CACNA2D1: variants seen among roughly 807,000 people sequenced by gnomAD.
CACNA2D1 encodes the protein calcium voltage-gated channel auxiliary subunit alpha2delta 1, also known as voltage-dependent calcium channel subunit alpha-2/delta-1.
A neutral mutation model predicts 171.5 loss-of-function variants in CACNA2D1; 53 were observed. The ratio of observed to expected loss-of-function variants is 0.31; its 90% CI spans 0.25 to 0.39. CACNA2D1 has a LOEUF of 0.39. CACNA2D1 is among the 10% of genes least tolerant of loss of function. CACNA2D1 has a pLI of 1.00. For missense variants in CACNA2D1, 903 were observed against 1,299.8 expected, an observed-to-expected ratio of 0.69 and a Z score of 4.69; for synonymous variants, 442 against 443.1, an observed-to-expected ratio of 1.00 and a Z score of 0.03.
At chr7:82,180,125 T>C (rs1207332143) in intron 3 of CACNA2D1, among the ~76,000 whole-genome samples, 1 of 152,136 alleles carries the variant, frequency 6.6e-6, no homozygotes, top group Admixed American at 6.5e-5. Flanking sequence ...AAAGAGAGAC[T>C]AGTTTTTCAA....
intron 11 of CACNA2D1, among the ~76,000 whole-genome samples, chr7:82,035,700 C>T (rs1803215559): frequency 6.6e-6 from 1 of 151,604 alleles, no homozygotes; most frequent in African/African-American, 2.4e-5. Context: ...AAACAGGAGG[C>T]AATGAAGTGA....
chr7:82,350,262 A>G (rs1819701544), intron 1 of CACNA2D1, among the ~76,000 whole-genome samples: 1 of 152,224 alleles, frequency 6.6e-6, no homozygotes, highest in South Asian at 2.1e-4. Context: ...TCTATATTCC[A>G]TAATATACTT....
chr7:82,354,322 TC>T (rs1820188406), intron 1 of CACNA2D1, among the ~76,000 whole-genome samples: 1 of 152,152 alleles, frequency 6.6e-6, no homozygotes, highest in African/African-American at 2.4e-5. Context: ...AGAAATCTTT[TC>T]TCCCCTACAA....
At chr7:82,415,274 C>T (rs1828054420) in intron 1 of CACNA2D1, among the ~76,000 whole-genome samples, 1 of 152,186 alleles carries the variant, frequency 6.6e-6, no homozygotes, top group African/African-American at 2.4e-5. Context: ...TGGCTCACAT[C>T]TGTAATCCCA....
intron 12 of CACNA2D1, among the ~76,000 whole-genome samples, chr7:82,022,935 A>C (rs917243515): frequency 2.6e-5 from 4 of 151,808 alleles, no homozygotes; most frequent in South Asian, 4.2e-4. Context: ...AATTTTTATT[A>C]ATTTGAATGT....
At chr7:82,246,764 A>G (rs1182049077) in intron 3 of CACNA2D1, among the ~76,000 whole-genome samples, 2 of 152,202 alleles carry the variant, frequency 1.3e-5, no homozygotes, top group Non-Finnish European at 2.9e-5. Flanking sequence ...ATAAAAAACT[A>G]TATTTGGCTG....
intron 2 of CACNA2D1, among the ~76,000 whole-genome samples, chr7:82,344,210 C>T (rs1818997609): frequency 6.6e-6 from 1 of 152,098 alleles, no homozygotes; most frequent in Non-Finnish European, 1.5e-5. Flanking sequence ...TTATGATAAT[C>T]ACAAGTATTT....
chr7:82,398,872 C>A (rs1266148609), intron 1 of CACNA2D1, among the ~76,000 whole-genome samples: 1 of 151,398 alleles, frequency 6.6e-6, no homozygotes, highest in Non-Finnish European at 1.5e-5. Flanking sequence ...AGCCACCACA[C>A]CCGGCCCCAT....
At chr7:82,021,348 C>A (rs1467490549) in intron 12 of CACNA2D1, 1 of 152,074 alleles carries the variant, frequency 6.6e-6, no homozygotes, top group Non-Finnish European at 1.5e-5. Flanking sequence ...GCCATCACTA[C>A]ATTTTTTATA....
intron 3 of CACNA2D1, among the ~76,000 whole-genome samples, chr7:82,172,684 T>C (rs1796155848): frequency 1.4e-5 from 2 of 139,536 alleles, no homozygotes; most frequent in African/African-American, 2.7e-5. Flanking sequence ...ATTATCCTCC[T>C]ATCTCAGCCT....
At chr7:82,003,252 G>C (rs1798782595) in intron 18 of CACNA2D1, among the ~76,000 whole-genome samples, 1 of 151,866 alleles carries the variant, frequency 6.6e-6, no homozygotes, top group Non-Finnish European at 1.5e-5. Flanking sequence ...ATGGTGTTCT[G>C]AAATAGTATT....
At chr7:82,371,009 T>G (rs79455379) in intron 1 of CACNA2D1, among the ~76,000 whole-genome samples, 5,618 of 152,276 alleles carry the variant, frequency 0.037, 153 homozygotes, top group Middle Eastern at 0.075. Context: ...CAAGGAGCAC[T>G]GTAAGCAGTG....
intron 8 of CACNA2D1, 115 bp downstream of exon 8, chr7:82,066,340 G>T (rs1256689797): frequency 1.1e-5 from 15 of 1,352,698 alleles, no homozygotes; most frequent in Non-Finnish European, 1.4e-5. Flanking sequence ...TTAAAAATCA[G>T]ATCACTTTCA....
chr7:81,964,545 G>A (rs532555875), intron 32 of CACNA2D1, among the ~76,000 whole-genome samples, 186 bp from the exon 33 acceptor site: 2 of 152,040 alleles, frequency 1.3e-5, no homozygotes, highest in South Asian at 4.1e-4. Context: ...GAGAGTAAGT[G>A]TTCTCATTAC....
chr7:82,395,459 T>C (rs1343656246), intron 1 of CACNA2D1, among the ~76,000 whole-genome samples: 2 of 152,184 alleles, frequency 1.3e-5, no homozygotes, highest in Non-Finnish European at 2.9e-5. Context: ...ATTATATTAG[T>C]AGTAATTCAA....
intron 3 of CACNA2D1, among the ~76,000 whole-genome samples, chr7:82,176,724 T>G (rs925498085): frequency 4.6e-5 from 7 of 151,732 alleles, no homozygotes; most frequent in Admixed American, 6.6e-5. Context: ...CTAGTGTGTT[T>G]GCTTCTATTC....
chr7:82,440,532 G>C (rs567494235), intron 1 of CACNA2D1, among the ~76,000 whole-genome samples: 1 of 151,918 alleles, frequency 6.6e-6, no homozygotes, highest in South Asian at 2.1e-4. Context: ...TTATGTGGCT[G>C]CTACCATATC....
intron 6 of CACNA2D1, among the ~76,000 whole-genome samples, chr7:82,093,509 C>A (rs1318766544): frequency 5.3e-5 from 8 of 151,944 alleles, no homozygotes; most frequent in Non-Finnish European, 1.2e-4. Flanking sequence ...CAGTAATGTC[C>A]AACAACACTA....
chr7:82,004,576 T>C (rs1370094039), intron 18 of CACNA2D1, among the ~76,000 whole-genome samples: 5 of 152,126 alleles, frequency 3.3e-5, no homozygotes, highest in Non-Finnish European at 2.9e-5. Context: ...CACACACTTG[T>C]GATATATTCT....
Sources: allele counts gnomAD v4.1 joint callset (sites outside exome capture counted in the v4.1 genomes callset), GRCh38; gene constraint gnomAD v4.1.1; transcripts MANE v1.5; gene names NCBI Gene and HGNC (gene_info 2026-07-23, HGNC 2026-07-21).